CBL: variants seen among roughly 807,000 people sequenced by gnomAD.
The protein encoded by CBL is Cbl proto-oncogene.
A neutral mutation model predicts 96.9 loss-of-function variants in CBL; 45 were observed. That is an observed-to-expected ratio of 0.46 (90% CI 0.37 to 0.60). CBL has a LOEUF of 0.60. CBL is among the 20% of genes least tolerant of loss of function. The pLI is 0.00. For missense variants in CBL, 1,024 were observed against 1,143.5 expected (o/e 0.90, Z 1.51); for synonymous variants, 420 against 426.8 (o/e 0.98, Z 0.20).
chr11:119,264,927 A>G (rs553847981), intron 2 of CBL, among the ~76,000 whole-genome samples: 1 of 152,170 alleles, frequency 6.6e-6, no homozygotes, highest in African/African-American at 2.4e-5. Flanking sequence ...CCTAGGCTGG[A>G]GTGCCGTGGT....
At chr11:119,297,063 C>T in intron 13 of CBL, 29 bp downstream of exon 13, 1 of 1,183,298 alleles carries the variant, frequency 8.5e-7, no homozygotes, top group Non-Finnish European at 1.3e-6. Context: ...TTTTTGGGCC[C>T]TATACCTTTA....
In CBL at chr11:119,296,922, C is replaced by G. The variant is rs578227001; in HGVS notation, c.2041C>G (p.Leu681Val). Reference protein sequence around the residue: ...NAIYSLAARPLPVPKLPPGEQ... With the variant: ...NAIYSLAARPVPVPKLPPGEQ... The stretch of plus-strand genomic sequence containing the variant: ...TTTTTATTCTTCATCTTCCAGACCT[C>G]TTCCTGTGCCAAAACTGCCACCTGG... The change falls in exon 13 of 16, where the codon CTT (leucine) becomes GTT (valine). Residue 681 changes from leucine to valine, a missense_variant. Physicochemically the swap from Leu to Val is conservative, Grantham distance 32. Coordinates refer to ENST00000264033, the MANE Select transcript of CBL (RefSeq NM_005188.4). 1.9e-6 allele frequency: 3 copies of G among 1,546,434 alleles called. No homozygotes were observed. The African/African-American group carries it at 4.1e-5, about 21-fold the overall frequency.
At chr11:119,260,466 C>G (rs1213554220) in intron 2 of CBL, among the ~76,000 whole-genome samples, 2 of 151,650 alleles carry the variant, frequency 1.3e-5, no homozygotes, top group African/African-American at 2.4e-5. Flanking sequence ...CTGGTCGGCT[C>G]AGCTTCTTTA....
At chr11:119,293,400 GC>G (rs1333004725) in intron 12 of CBL, among the ~76,000 whole-genome samples, 28 of 152,090 alleles carry the variant, frequency 1.8e-4, no homozygotes, top group Non-Finnish European at 4.4e-5. Flanking sequence ...GAGCCATCGT[GC>G]CCATCCCATC....
intron 7 of CBL, 31 bp from the exon 8 acceptor site, chr11:119,278,135 C>A (rs1010871738): frequency 1.3e-6 from 2 of 1,498,628 alleles, no homozygotes; most frequent in Admixed American, 3.4e-5. Context: ...ATTTATTCAA[C>A]TAATAGTCTT....
At chr11:119,232,833 A>C (rs1162109566) in intron 2 of CBL, 138 bp downstream of exon 2, 1 of 880,198 alleles carries the variant, frequency 1.1e-6, no homozygotes, top group African/African-American at 1.7e-5. Context: ...GGTATAGTTT[A>C]TATAAAAGGT....
intron 11 of CBL, among the ~76,000 whole-genome samples, chr11:119,286,299 C>CA (rs937832526): frequency 1.3e-3 from 187 of 147,066 alleles, no homozygotes; most frequent in African/African-American, 4.0e-3. Flanking sequence ...AACTTTGTCT[C>CA]AAAAAAAAAA....
At chr11:119,251,450 A>G (rs192382292) in intron 2 of CBL, among the ~76,000 whole-genome samples, 1 of 152,224 alleles carries the variant, frequency 6.6e-6, no homozygotes. Context: ...TTGAATGTAA[A>G]GGAATGGTGA....
rs1468099502 is a variant in CBL, at chr11:119,285,673, A to C, written c.1941+107A>C. On this transcript the variant is annotated intron_variant, in intron 11 of 15. Transcript: ENST00000264033. ...CAATTTGGGAGGCCAAGGTGGGTGG[A>C]TCGCTTGAGCCGAGGATTTCGAGAC... is the stretch of plus-strand genomic sequence containing the variant. The C allele has an allele frequency of 8.5e-6, 11 of 1,288,112 alleles. No individual in the cohort carries two copies. The East Asian group carries it at 2.4e-4, about 29-fold the overall frequency. The allele number at this position is 1,288,112 out of a possible 1,614,324, so 79.8% of individuals were successfully genotyped here.
rs115931365 is a variant in CBL at position 119,219,288 on chromosome 11, G to C, written c.195+12676G>C. On this transcript the variant is annotated intron_variant, in intron 1 of 15. Transcript: ENST00000264033. ...CATCTACGTGGGAGGAGGCTAAGGA[G>C]AATTGCTTGAACCCAGGAGGCAGAG... Among the ~76,000 whole-genome samples the C allele has an allele frequency of 2.1e-3, 320 of 151,206 alleles. 2 individuals are homozygous for C. The highest frequency in any genetic ancestry group is 7.2e-3 in the African/African-American group (298 of 41,210).
intron 2 of CBL, among the ~76,000 whole-genome samples, chr11:119,257,207 C>T (rs1049464074): frequency 1.3e-5 from 2 of 152,214 alleles, no homozygotes; most frequent in African/African-American, 2.4e-5. Context: ...TAAGCATTCC[C>T]TATTCAAATG....
At chr11:119,236,600 T>TATATATAC (rs1949548421) in intron 2 of CBL, among the ~76,000 whole-genome samples, 2 of 83,126 alleles carry the variant, frequency 2.4e-5, no homozygotes, top group Non-Finnish European at 5.0e-5. Context: ...TTTGAGTATA[T>TATATATAC]ATATATATAT....
intron 2 of CBL, among the ~76,000 whole-genome samples, chr11:119,233,073 A>G (rs900350882): frequency 6.6e-6 from 1 of 152,158 alleles, no homozygotes; most frequent in Non-Finnish European, 1.5e-5. Flanking sequence ...CATATTAGGT[A>G]AATTTATATG....
intron 2 of CBL, among the ~76,000 whole-genome samples, chr11:119,254,716 C>T (rs1949697646): frequency 6.6e-6 from 1 of 152,108 alleles, no homozygotes; most frequent in Admixed American, 6.6e-5. Flanking sequence ...ATTCTCCTGC[C>T]TCAGACTCCT....
intron 2 of CBL, among the ~76,000 whole-genome samples, chr11:119,271,331 A>T (rs1949847419): frequency 6.6e-6 from 1 of 152,202 alleles, no homozygotes; most frequent in Admixed American, 6.5e-5. Context: ...AAGCTTTATT[A>T]ATTCAAGATT....
chr11:119,297,527 G>T, intron 14 of CBL, 46 bp downstream of exon 14: 1 of 1,337,692 alleles, frequency 7.5e-7, no homozygotes, highest in Non-Finnish European at 1.1e-6. Context: ...TATGTCATAG[G>T]AATGAACATG....
intron 9 of CBL, among the ~76,000 whole-genome samples, chr11:119,282,933 C>T (rs1193526833): frequency 4.0e-5 from 6 of 151,130 alleles, no homozygotes; most frequent in South Asian, 2.1e-4. Flanking sequence ...GCCTTCCCCG[C>T]GCCCCAAAAA....
intron 2 of CBL, among the ~76,000 whole-genome samples, chr11:119,265,945 C>T (rs1949799526): frequency 6.9e-6 from 1 of 144,812 alleles, no homozygotes. Context: ...TTGCTTGAAC[C>T]CGGGAGAGAG....
chr11:119,257,759 T>G (rs1434908318), intron 2 of CBL, among the ~76,000 whole-genome samples: 1 of 151,634 alleles, frequency 6.6e-6, no homozygotes, highest in Non-Finnish European at 1.5e-5. Flanking sequence ...TTCATTCTTC[T>G]ACATGTGGCT....
Sources: gnomAD v4.1 joint callset for allele counts (sites outside exome capture counted in the v4.1 genomes callset) on GRCh38, gnomAD v4.1.1 for gene constraint, MANE v1.5 for transcripts, NCBI Gene and HGNC (gene_info 2026-07-23, HGNC 2026-07-21) for gene names.